The following SLC26A3 variants were observed in gnomAD, a reference collection of about 807,000 sequenced individuals.
SLC26A3 encodes solute carrier family 26 member 3.
SLC26A3 carries 64 observed loss-of-function variants against 85.6 expected under a neutral mutation model. That is an observed-to-expected ratio of 0.75 (90% CI 0.61 to 0.92). The LOEUF (loss-of-function observed/expected upper bound fraction) is 0.92, where lower values mean the gene tolerates loss of function less well. Ranked by LOEUF, SLC26A3 falls within the 40% of genes least tolerant of loss-of-function variation. The pLI, the probability that SLC26A3 is intolerant of heterozygous loss-of-function variation, is 0.00. For missense variants in SLC26A3, 922 were observed against 927.3 expected (o/e 0.99, Z 0.07); for synonymous variants, 349 against 336.0 (o/e 1.04, Z -0.42).
chr7:107,789,393 CT>C, intron 6 of SLC26A3, 130 bp downstream of exon 6: 3 of 929,240 alleles, frequency 3.2e-6, no homozygotes, highest in Non-Finnish European at 5.0e-6. Flanking sequence ...GTGCTGCTTT[CT>C]TTTTTAATAT....
Position 107,776,543 on chromosome 7 carries a change from A to G in SLC26A3, c.1586T>C (p.Met529Thr), listed in dbSNP as rs768761270. The change falls in exon 15 of 21, where the codon ATG becomes ACG. Residue 529 changes from methionine (M) to threonine (T), a missense_variant and splice_region_variant. Transcript: ENST00000340010. ...IYKNKKDYYD[M>T]YEPEGVKIFR... ...AATTTTCACTCCTTCTGGCTCATAC[A>G]TCTGTAAGGCAGAGAAGCATTGTTA... 3 of 1,613,742 alleles carry G rather than the reference A, an allele frequency of 1.9e-6. No homozygotes were observed. Among genetic ancestry groups the G allele is most frequent in the Admixed American group, 1.7e-5 (1 of 60,032 alleles).
chr7:107,783,230 T>C lies in SLC26A3; in HGVS notation c.1094A>G (p.Tyr365Cys), dbSNP rs1355769979. 6.2e-7 allele frequency: 1 copy of C among 1,614,222 alleles called. No homozygotes were observed. Among genetic ancestry groups the C allele is most frequent in the Non-Finnish European group, 8.5e-7 (1 of 1,180,034 alleles). The change falls in exon 9 of 21, where the codon TAC becomes TGC. Residue 365 changes from tyrosine to cysteine, a missense_variant. Tyr to Cys is a radical substitution (Grantham distance 194). Coordinates refer to ENST00000340010, the MANE Select transcript of SLC26A3 (RefSeq NM_000111.3). Reference protein sequence around the residue: ...FSVASVYSLKYDYPLDGNQEL... With the variant: ...FSVASVYSLKCDYPLDGNQEL... ...CTGATTGCCATCAAGTGGATAATCG[T>C]ATTTGAGGGAATAGACGCTGGCAAC...
intron 18 of SLC26A3, among the ~76,000 whole-genome samples, chr7:107,768,357 G>A (rs41664): frequency 0.75 from 113,345 of 152,096 alleles, 42,618 homozygotes; most frequent in East Asian, 0.99. Flanking sequence ...GGGTTTTATG[G>A]GAAAACATCT....
chr7:107,788,012 A>T (rs1370118633), intron 6 of SLC26A3, among the ~76,000 whole-genome samples: 3 of 152,218 alleles, frequency 2.0e-5, no homozygotes, highest in Non-Finnish European at 4.4e-5. Flanking sequence ...TTTCTGGCTA[A>T]CTGTGCACTA....
intron 1 of SLC26A3, among the ~76,000 whole-genome samples, chr7:107,802,659 G>T (rs1476941686): frequency 1.3e-5 from 2 of 151,250 alleles, no homozygotes; most frequent in Non-Finnish European, 2.9e-5. Context: ...ATATCCCTAT[G>T]CCTGGCTGGG....
chr7:107,765,998 T>A (rs754356066), intron 20 of SLC26A3, 120 bp from the exon 21 acceptor site: 1 of 790,858 alleles, frequency 1.3e-6, no homozygotes, highest in Non-Finnish European at 2.2e-6. Flanking sequence ...TGAATTTTAA[T>A]GATCAAGTAC....
chr7:107,798,302 A>G (rs1435288236), intron 1 of SLC26A3, among the ~76,000 whole-genome samples: 1 of 151,260 alleles, frequency 6.6e-6, no homozygotes, highest in Non-Finnish European at 1.5e-5. Flanking sequence ...TCAGTTTCTC[A>G]GTTTAACTAT....
intron 3 of SLC26A3, among the ~76,000 whole-genome samples, chr7:107,792,296 G>A (rs1196642810): frequency 6.6e-6 from 1 of 151,984 alleles, no homozygotes; most frequent in Non-Finnish European, 1.5e-5. Context: ...CATTTTTTGT[G>A]CACTTTATTT....
chr7:107,765,785 A>G lies in SLC26A3; in HGVS notation c.*70T>C. On this transcript the variant is annotated 3_prime_UTR_variant, in exon 21 of 21. Coordinates refer to ENST00000340010, the MANE Select transcript of SLC26A3 (RefSeq NM_000111.3). ...TCTTCGTACAATGTATGAACTTATC[A>G]ATAACTTTCTGGGTATAAAGTTGTT... The G allele has an allele frequency of 2.6e-6, 3 of 1,135,630 alleles. No individual in the cohort carries two copies. Among genetic ancestry groups the G allele is most frequent in the Non-Finnish European group, 4.0e-6 (3 of 745,648 alleles). The allele number at this position is 1,135,630 out of a possible 1,614,324, so 70.3% of individuals were successfully genotyped here.
In SLC26A3 at chr7:107,774,056, T is replaced by C; in HGVS notation, c.1871A>G (p.Asp624Gly). Residue 624 changes from aspartate (D) to glycine (G), a missense_variant, in exon 17 of 21, where the codon GAC (aspartate) becomes GGC (glycine). Physicochemically the swap from Asp to Gly is moderately conservative, Grantham distance 94. Coordinates refer to ENST00000340010, the MANE Select transcript of SLC26A3 (RefSeq NM_000111.3). ...ATTCCAGTCAATGTGGAAAGGCAGG[T>C]CTGTGGTATTGATTGGCTGGTCCAG... ...EVLDQPINTTDLPFHIDWNDD... is the reference protein window; with the variant it reads ...EVLDQPINTTGLPFHIDWNDD... 6.2e-7 allele frequency: 1 copy of C among 1,614,094 alleles called. No homozygotes were observed. The highest frequency in any genetic ancestry group is 1.7e-5 in the Admixed American group (1 of 60,000).
intron 11 of SLC26A3, among the ~76,000 whole-genome samples, chr7:107,780,504 C>T (rs1405926203): frequency 6.6e-6 from 1 of 152,128 alleles, no homozygotes; most frequent in Non-Finnish European, 1.5e-5. Flanking sequence ...TGGATTTTAT[C>T]GTAATTGTAG....
intron 17 of SLC26A3, among the ~76,000 whole-genome samples, chr7:107,772,760 A>ATG (rs142656843): frequency 8.6e-4 from 130 of 151,332 alleles, no homozygotes; most frequent in African/African-American, 2.5e-3. Flanking sequence ...CAAAAAATAA[A>ATG]TGTGTGTGTG....
chr7:107,765,756 A>T lies in SLC26A3; in HGVS notation c.*99T>A. 1 of 916,762 alleles carries T rather than the reference A, an allele frequency of 1.1e-6. No homozygotes were observed. The highest frequency in any genetic ancestry group is 1.8e-6 in the Non-Finnish European group (1 of 557,900). 56.8% of individuals were successfully genotyped at this position (916,762 alleles called of 1,614,324 possible). On this transcript the variant is annotated 3_prime_UTR_variant, in exon 21 of 21. Coordinates refer to ENST00000340010, the MANE Select transcript of SLC26A3 (RefSeq NM_000111.3). ...AAGTTTGAAACATATTCTGTCAAAA[A>T]TACTCTTCGTACAATGTATGAACTT...
At chr7:107,779,421 C>T (rs1238100412) in intron 12 of SLC26A3, among the ~76,000 whole-genome samples, 1 of 152,096 alleles carries the variant, frequency 6.6e-6, no homozygotes, top group Non-Finnish European at 1.5e-5. Context: ...TAAGGAAGTT[C>T]TAGACTAGTG....
chr7:107,783,135 C>T (rs762644505), intron 9 of SLC26A3, 42 bp from the exon 10 acceptor site: 10 of 1,610,228 alleles, frequency 6.2e-6, no homozygotes, highest in Non-Finnish European at 2.6e-6. Context: ...GAAGTGGCAC[C>T]ATTGATATTA....
At position 107,783,093 on chromosome 7, in the gene SLC26A3, C is replaced by A; in HGVS notation, c.1120G>T (p.Glu374Ter). 1.2e-6 allele frequency: 2 copies of A among 1,613,926 alleles called. No homozygotes were observed. Among genetic ancestry groups the A allele is most frequent in the Non-Finnish European group, 1.7e-6 (2 of 1,179,794 alleles). ...KYDYPLDGNQ[E>*]LIALGLGNIV... ...TTACCCAGTCCCAAGGCTATTAACT[C>A]CTGACAGGAAGACAAGAATGAACCT... The change falls in exon 10 of 21, where the codon GAG (glutamate) becomes TAG (stop). Residue 374 changes from glutamate to a stop codon, truncating the protein, a stop_gained and splice_region_variant. Coordinates refer to ENST00000340010, the MANE Select transcript of SLC26A3 (RefSeq NM_000111.3). LOFTEE classifies it high-confidence loss of function.
At chr7:107,790,177 C>T (rs1794368806) in intron 5 of SLC26A3, among the ~76,000 whole-genome samples, 1 of 152,140 alleles carries the variant, frequency 6.6e-6, no homozygotes, top group Admixed American at 6.5e-5. Context: ...ATCAGAAGTG[C>T]TTGGTTCTAG....
At chr7:107,775,835 C>CA (rs927976675) in intron 15 of SLC26A3, among the ~76,000 whole-genome samples, 3 of 151,978 alleles carry the variant, frequency 2.0e-5, no homozygotes, top group South Asian at 2.1e-4. Flanking sequence ...CAAACAACAA[C>CA]AAAAAACTCG....
chr7:107,774,854 G>C lies in SLC26A3; in HGVS notation c.1696C>G (p.Arg566Gly). 1 of 1,614,044 alleles carries C rather than the reference G, an allele frequency of 6.2e-7. No individual in the cohort carries two copies. Among genetic ancestry groups the C allele is most frequent in the Non-Finnish European group, 8.5e-7 (1 of 1,179,964 alleles). Residue 566 changes from arginine to glycine, a missense_variant, in exon 16 of 21, where the codon CGA becomes GGA. Transcript: ENST00000340010. The part of the protein sequence containing the change: ...LIDAVGFSPL[R>G]ILRKRNKALR... Reference sequence around the variant, plus strand: ...GCTTTGTTGCGCTTGCGTAGAATTCGAAGTGGACTAAAGCCAACCTGAGAA... The same window carrying C: ...GCTTTGTTGCGCTTGCGTAGAATTCCAAGTGGACTAAAGCCAACCTGAGAA...
Sources: allele counts gnomAD v4.1 joint callset (sites outside exome capture counted in the v4.1 genomes callset), GRCh38; gene constraint gnomAD v4.1.1; transcripts MANE v1.5; gene names NCBI Gene and HGNC (gene_info 2026-07-23, HGNC 2026-07-21).